BOLL: variants seen among roughly 807,000 people sequenced by gnomAD.
BOLL encodes the protein protein boule-like.
BOLL carries 23 observed loss-of-function variants against 44.4 expected under a neutral mutation model. The observed-to-expected ratio is 0.52, with a 90% CI of 0.37 to 0.73. The LOEUF (loss-of-function observed/expected upper bound fraction) is 0.73, where lower values mean the gene tolerates loss of function less well. Among genes scored for constraint, BOLL ranks in the 30% least tolerant of loss-of-function variants. The pLI is 0.00. For synonymous variants in BOLL, 97 were observed against 110.8 expected (o/e 0.88, Z 0.78); for missense variants, 287 against 338.3 (o/e 0.85, Z 1.19).
chr2:197,771,215 G>C (rs186229107), intron 6 of BOLL, among the ~76,000 whole-genome samples: 1 of 152,146 alleles, frequency 6.6e-6, no homozygotes, highest in East Asian at 1.9e-4. Context: ...GATGAAGCTG[G>C]AAACCATCAT....
At position 197,781,836 on chromosome 2, in the gene BOLL, T is replaced by C; in HGVS notation, c.15A>G (p.Ser5=). Residue 5 remains serine (S), a synonymous_variant, in exon 2 of 11, where the codon TCA becomes TCG. Transcript: ENST00000392296. MQTD[S]LSPSPNPVSP... ...ACACAGGATTAGGGGATGGAGATAA[T>C]GAATCTGTTTGCATCTGGTTTGATG... The C allele has an allele frequency of 1.2e-6, 2 of 1,603,470 alleles. No individual in the cohort carries two copies. Among genetic ancestry groups the C allele is most frequent in the Middle Eastern group, 1.7e-4 (1 of 6,022 alleles).
intron 6 of BOLL, among the ~76,000 whole-genome samples, chr2:197,767,924 C>T (rs563737775): frequency 6.6e-6 from 1 of 151,970 alleles, no homozygotes; most frequent in African/African-American, 2.4e-5. Flanking sequence ...ATGATGTTTT[C>T]ACTACATCAA....
intron 1 of BOLL, chr2:197,784,777 T>C (rs765912342): frequency 4.0e-4 from 391 of 987,566 alleles, no homozygotes; most frequent in Non-Finnish European, 4.6e-4. Flanking sequence ...GGAGGCAACA[T>C]CTAAGTTCAT....
chr2:197,766,470 G>C, intron 7 of BOLL, 62 bp downstream of exon 7: 1 of 1,332,914 alleles, frequency 7.5e-7, no homozygotes, highest in Non-Finnish European at 1.1e-6. Context: ...AGAAATAAAT[G>C]AAAGTTAGCT....
chr2:197,742,756 T>C (rs1185926019), intron 10 of BOLL, among the ~76,000 whole-genome samples: 3 of 152,030 alleles, frequency 2.0e-5, no homozygotes, highest in Non-Finnish European at 4.4e-5. Flanking sequence ...ATGGCACATG[T>C]ATACATATGT....
Position 197,768,014 on chromosome 2 carries a change from A to T in BOLL, c.481-1411T>A, listed in dbSNP as rs140696752. On this transcript the variant is annotated intron_variant, in intron 6 of 10. Transcript: ENST00000392296. ...GAAATAGAAGTACACTGAATCATAA[A>T]TAATTGTGTAAATGAGAGTTTGGCA... Among the ~76,000 whole-genome samples the T allele has an allele frequency of 2.8e-3, 432 of 152,148 alleles. 6 individuals carry two copies. Among genetic ancestry groups the T allele is most frequent in the African/African-American group, 1.0e-2 (415 of 41,554 alleles).
At chr2:197,745,800 G>C (rs1261062627) in intron 9 of BOLL, among the ~76,000 whole-genome samples, 1 of 152,148 alleles carries the variant, frequency 6.6e-6, no homozygotes, top group Non-Finnish European at 1.5e-5. Context: ...AAAGGATGAC[G>C]ATTTCCCAAG....
intron 10 of BOLL, among the ~76,000 whole-genome samples, chr2:197,729,375 G>A (rs535860996): frequency 4.3e-4 from 65 of 152,296 alleles, no homozygotes; most frequent in African/African-American, 1.5e-3. Context: ...CAAGGCGGCA[G>A]CGAGGCTGGG....
intron 10 of BOLL, among the ~76,000 whole-genome samples, chr2:197,733,699 C>T (rs1687326024): frequency 6.6e-6 from 1 of 152,074 alleles, no homozygotes; most frequent in Admixed American, 6.6e-5. Flanking sequence ...CTGAGAAAAA[C>T]AAGCAATGGG....
chr2:197,781,145 TA>T (rs921865219), intron 2 of BOLL, among the ~76,000 whole-genome samples: 14 of 152,210 alleles, frequency 9.2e-5, no homozygotes, highest in African/African-American at 3.4e-4. Context: ...ACCGAATAGT[TA>T]TTTTTTTTTC....
chr2:197,786,084 G>A (rs936128987), upstream of BOLL: 1 of 1,544,414 alleles, frequency 6.5e-7, no homozygotes, highest in Middle Eastern at 1.7e-4. The surrounding 1 kb of genome is among the most constrained non-coding windows in gnomAD (Gnocchi z 5.9). Context: ...AGGCAGCAGC[G>A]CTGCTTGTCC....
At chr2:197,761,163 A>T (rs184079792) in intron 7 of BOLL, among the ~76,000 whole-genome samples, 115 of 152,288 alleles carry the variant, frequency 7.6e-4, no homozygotes, top group Non-Finnish European at 1.4e-3. Context: ...TCTTAAAAAA[A>T]ATTAGCAGGC....
intron 2 of BOLL, 30 bp downstream of exon 2, chr2:197,781,692 A>ATACAC (rs1183668182): frequency 6.2e-6 from 9 of 1,452,876 alleles, no homozygotes; most frequent in Non-Finnish European, 8.3e-6. Context: ...TAATGAAAAA[A>ATACAC]TACACTTTAC....
At chr2:197,782,791 A>C (rs749928770) in intron 1 of BOLL, among the ~76,000 whole-genome samples, 13 of 152,178 alleles carry the variant, frequency 8.5e-5, no homozygotes, top group Non-Finnish European at 1.8e-4. Context: ...TGAAAGTCAA[A>C]ATTTTAAATG....
At position 197,728,866 on chromosome 2, in the gene BOLL, C is replaced by T. The variant is rs186112758; in HGVS notation, c.829-288G>A. ...ATGAGGGATGGGTCAGCACAGATTACGAGTTACAACATTTCCTTCTATTAG... is the reference window on the plus strand; with the variant it reads ...ATGAGGGATGGGTCAGCACAGATTATGAGTTACAACATTTCCTTCTATTAG... On this transcript the variant is annotated intron_variant, in intron 10 of 10. Transcript: ENST00000392296. Among the ~76,000 whole-genome samples, 249 of 152,282 alleles carry T rather than the reference C, an allele frequency of 1.6e-3. 2 individuals are homozygous for T. Among genetic ancestry groups the T allele is most frequent in the Non-Finnish European group, 3.1e-3 (211 of 68,028 alleles).
upstream of BOLL, among the ~76,000 whole-genome samples, chr2:197,785,743 G>A (rs2106403335): frequency 6.6e-6 from 1 of 152,288 alleles, no homozygotes; most frequent in East Asian, 1.9e-4. The surrounding 1 kb of genome is among the most constrained non-coding windows in gnomAD (Gnocchi z 6.7). Context: ...CCCCTGGCCC[G>A]TCTACACCCA....
At chr2:197,738,280 C>T (rs929322465) in intron 10 of BOLL, among the ~76,000 whole-genome samples, 1 of 151,994 alleles carries the variant, frequency 6.6e-6, no homozygotes, top group African/African-American at 2.4e-5. Context: ...TGGGGTCTCG[C>T]CATATTGCCA....
rs567678953 is a variant in BOLL at position 197,765,623 on chromosome 2, T to A, written c.552+909A>T. Among the ~76,000 whole-genome samples the A allele has an allele frequency of 5.4e-5, 8 of 148,216 alleles. No homozygotes were observed. In the East Asian group the frequency reaches 5.9e-4, roughly 11 times the overall value. ...TTATCATTTGTCAATGAAAAAAAATTAAAAAAAAAACACTACCAAGGATTA... is the reference window on the plus strand; with the variant it reads ...TTATCATTTGTCAATGAAAAAAAATAAAAAAAAAAACACTACCAAGGATTA... On this transcript the variant is annotated intron_variant, in intron 7 of 10. Transcript: ENST00000392296.
At chr2:197,765,624 A>T (rs183956559) in intron 7 of BOLL, among the ~76,000 whole-genome samples, 4 of 148,682 alleles carry the variant, frequency 2.7e-5, no homozygotes, top group East Asian at 2.0e-4. Context: ...AAAAAAAATT[A>T]AAAAAAAAAC....
Sources: allele counts gnomAD v4.1 joint callset (sites outside exome capture counted in the v4.1 genomes callset), GRCh38; gene constraint gnomAD v4.1.1; non-coding constraint Gnocchi (gnomAD v3.1); transcripts MANE v1.5; gene names NCBI Gene and HGNC (gene_info 2026-07-23, HGNC 2026-07-21).